The following SCN7A variants were observed in gnomAD, a reference collection of about 807,000 sequenced individuals.
SCN7A encodes sodium channel protein type 7 subunit alpha.
SCN7A carries 138 observed loss-of-function variants against 155.2 expected under a neutral mutation model. The observed-to-expected ratio is 0.89, with a 90% confidence interval of 0.77 to 1.02. The LOEUF is 1.02. Among genes scored for constraint, SCN7A ranks in the 50% least tolerant of loss-of-function variants. The probability of loss-of-function intolerance (pLI) is 0.00; values close to 1 mark genes in which losing one functional copy is unlikely to be tolerated. For synonymous variants in SCN7A, 693 were observed against 649.0 expected, an observed-to-expected ratio of 1.07 and a Z score of -1.03; for missense variants, 2,058 against 1,986.6, an observed-to-expected ratio of 1.04 and a Z score of -0.68.
At position 166,474,711 on chromosome 2, in the gene SCN7A, C is replaced by A. The variant is rs184096807; in HGVS notation, c.235-367G>T. On this transcript the variant is annotated intron_variant, in intron 3 of 25. Coordinates refer to ENST00000643258, the MANE Select transcript of SCN7A (RefSeq NM_002976.4). Reference sequence around the variant, plus strand: ...ATGCCAGAGCTGGTGTATCTGAGAACGTTAATGAATGTTAAAAGTTCGATT... The same window carrying A: ...ATGCCAGAGCTGGTGTATCTGAGAAAGTTAATGAATGTTAAAAGTTCGATT... 4.0e-5 allele frequency among the ~76,000 whole-genome samples: 6 copies of A among 151,540 alleles called. No individual in the cohort carries two copies. In the South Asian group the frequency reaches 8.3e-4, roughly 21 times the overall value.
Position 166,444,785 on chromosome 2 carries a change from T to C in SCN7A, c.1603A>G (p.Thr535Ala). 2.5e-6 allele frequency: 4 copies of C among 1,585,714 alleles called. No individual in the cohort carries two copies. Among genetic ancestry groups the C allele is most frequent in the South Asian group, 1.1e-5 (1 of 88,214 alleles). The change falls in exon 13 of 26, where the codon ACT becomes GCT. Residue 535 changes from threonine to alanine, a missense_variant. By Grantham distance (58) the Thr-to-Ala change is moderately conservative (BLOSUM62 0). Transcript: ENST00000643258. ...EHYPMSKQTNTLLNIGNLVFI... is the reference protein window; with the variant it reads ...EHYPMSKQTNALLNIGNLVFI... Reference sequence around the variant, plus strand: ...ACCAGGTTTCCAATGTTGAGAAGAGTGTTAGTTTGTTTACTCATTGGATAA... The same window carrying C: ...ACCAGGTTTCCAATGTTGAGAAGAGCGTTAGTTTGTTTACTCATTGGATAA...
rs1701074918 is a variant in SCN7A at position 166,406,397 on chromosome 2, A to T, written c.4232T>A (p.Ile1411Asn). ...NFAYVKKEAG[I>N]NDVSNFETFG... is the part of the protein sequence containing the mutation. ...GGTTTCAAAATTAGACACATCATTAATTCCAGCTTCTTTTTTAACATAGGC... is the reference window on the plus strand; with the variant it reads ...GGTTTCAAAATTAGACACATCATTATTTCCAGCTTCTTTTTTAACATAGGC... Residue 1411 changes from isoleucine (I) to asparagine (N), a missense_variant, in exon 26 of 26, where the codon ATT becomes AAT. Transcript: ENST00000643258. 6.2e-7 allele frequency: 1 copy of T among 1,612,944 alleles called. No homozygotes were observed. Among genetic ancestry groups the T allele is most frequent in the African/African-American group, 1.3e-5 (1 of 74,832 alleles).
rs983813564 is a variant in SCN7A, at chr2:166,406,336, T to C, written c.4293A>G (p.Ala1431=). 3 of 1,613,190 alleles carry C rather than the reference T, an allele frequency of 1.9e-6. No individual in the cohort carries two copies. The East Asian group carries it at 6.7e-5, about 36-fold the overall frequency. Residue 1431 remains alanine, a synonymous_variant, in exon 26 of 26, where the codon GCA becomes GCG. Transcript: ENST00000643258. The part of the protein sequence containing the change: ...GNSMLCLFQV[A]IFAGWDGMLD... ...GCATCCCATCCCAACCAGCAAATAT[T>C]GCAACTTGAAAAAGACAGAGCATAC...
chr2:166,477,390 T>G, intron 3 of SCN7A, 73 bp downstream of exon 3: 1 of 954,214 alleles, frequency 1.0e-6, no homozygotes, highest in Non-Finnish European at 1.5e-6. Context: ...GTATCCTATC[T>G]CAATTACATT....
At chr2:166,445,951 C>G (rs950256778) in intron 12 of SCN7A, among the ~76,000 whole-genome samples, 5 of 152,104 alleles carry the variant, frequency 3.3e-5, no homozygotes, top group African/African-American at 1.2e-4. Flanking sequence ...CAATACGATT[C>G]AGAACATAAG....
chr2:166,439,055 G>GTGTGTGTATATATATATATATATATA (rs375208870), intron 15 of SCN7A, among the ~76,000 whole-genome samples: 26 of 113,394 alleles, frequency 2.3e-4, no homozygotes, highest in African/African-American at 9.0e-4. Context: ...GTGTGTGTGT[G>GTGTGTGTATATATATATATATATATA]TATATATATA....
chr2:166,470,175 G>T (rs1006457777), intron 7 of SCN7A, among the ~76,000 whole-genome samples: 2 of 151,640 alleles, frequency 1.3e-5, no homozygotes, highest in Non-Finnish European at 3.0e-5. Context: ...CATGTGAATT[G>T]CACCCTATCC....
intron 2 of SCN7A, among the ~76,000 whole-genome samples, chr2:166,482,819 A>G (rs951862216): frequency 6.6e-6 from 1 of 151,820 alleles, no homozygotes; most frequent in African/African-American, 2.4e-5. Context: ...TCTGACTTCT[A>G]GATGGTTGAG....
In SCN7A at chr2:166,465,467, A is replaced by G. The variant is rs372665249; in HGVS notation, c.936T>C (p.Asp312=). Reference sequence around the variant, plus strand: ...ATAAAACTAATACCACCTACCCAGCATCTGTCCTGTTGCCACAAAGGAGAG... The same window carrying G: ...ATAAAACTAATACCACCTACCCAGCGTCTGTCCTGTTGCCACAAAGGAGAG... ...RYALLCGNRT[D]AGQCPEGYVC... is the part of the protein sequence containing the mutation. Residue 312 remains aspartate, a synonymous_variant, in exon 9 of 26, where the codon GAT becomes GAC. Transcript: ENST00000643258. The G allele has an allele frequency of 6.8e-6, 11 of 1,607,362 alleles. No homozygotes were observed. The highest frequency in any genetic ancestry group is 8.5e-6 in the Non-Finnish European group (10 of 1,175,354).
intron 11 of SCN7A, among the ~76,000 whole-genome samples, chr2:166,449,536 G>A (rs886743407): frequency 2.0e-5 from 3 of 152,060 alleles, no homozygotes; most frequent in Non-Finnish European, 2.9e-5. Context: ...GCTAGAGGAG[G>A]ATAAAGCCAA....
rs1246970035 is a variant in SCN7A at position 166,441,510 on chromosome 2, C to T, written c.2043G>A (p.Val681=). 1 of 1,613,988 alleles carries T rather than the reference C, an allele frequency of 6.2e-7. No homozygotes were observed. Among genetic ancestry groups the T allele is most frequent in the Non-Finnish European group, 8.5e-7 (1 of 1,179,998 alleles). ...CCCACTCTCCACAGAGAATTCGGAA[C>T]ACATTCAGGAAGGAGTGGAAAAAGT... ...MHDFFHSFLN[V]FRILCGEWVE... is the part of the protein sequence containing the mutation. Residue 681 remains valine (V), a synonymous_variant, in exon 15 of 26, where the codon GTG becomes GTA. Transcript: ENST00000643258.
chr2:166,487,353 T>C (rs1157849670), intron 1 of SCN7A, among the ~76,000 whole-genome samples: 1 of 152,156 alleles, frequency 6.6e-6, no homozygotes, highest in African/African-American at 2.4e-5. Flanking sequence ...TTTTCTTAGA[T>C]AATGAAGGAT....
chr2:166,472,218 T>G, intron 6 of SCN7A, 99 bp downstream of exon 6: 2 of 1,194,918 alleles, frequency 1.7e-6, no homozygotes, highest in South Asian at 3.3e-5. Context: ...ACTTGCAGAC[T>G]ATCTGCAGGC....
intron 18 of SCN7A, among the ~76,000 whole-genome samples, chr2:166,426,760 T>A (rs541199368): frequency 1.3e-5 from 2 of 152,174 alleles, no homozygotes; most frequent in East Asian, 3.9e-4. Context: ...TCCTGGTAAA[T>A]GTTCTGTTTC....
rs761954121 is a variant in SCN7A, at chr2:166,432,393, A to G, written c.2517T>C (p.Ala839=). The change falls in exon 16 of 26, where the codon GCT becomes GCC. Residue 839 remains alanine (A), a synonymous_variant. Transcript: ENST00000643258. The part of the protein sequence containing the change: ...SPSVSETVPI[A]SGESDIENLD... ...GATTTTCTATATCAGATTCTCCTGA[A>G]GCAATTGGTACAGTTTCTGAGACAC... 3 of 1,613,504 alleles carry G rather than the reference A, an allele frequency of 1.9e-6. No individual in the cohort carries two copies. In the South Asian group the frequency reaches 3.3e-5, roughly 18 times the overall value.
intron 11 of SCN7A, among the ~76,000 whole-genome samples, chr2:166,454,219 T>C (rs1053676962): frequency 6.6e-6 from 1 of 152,178 alleles, no homozygotes. Flanking sequence ...AACATATCAT[T>C]CAAACCCTAA....
At chr2:166,434,688 C>T (rs1054632395) in intron 15 of SCN7A, among the ~76,000 whole-genome samples, 2 of 152,128 alleles carry the variant, frequency 1.3e-5, no homozygotes, top group Non-Finnish European at 2.9e-5. Flanking sequence ...CAACAGTTTC[C>T]TGATATAAGA....
chr2:166,448,859 A>C (rs1214248894), intron 11 of SCN7A, among the ~76,000 whole-genome samples: 4 of 152,208 alleles, frequency 2.6e-5, no homozygotes, highest in Non-Finnish European at 5.9e-5. Context: ...TTAACTTTAT[A>C]ACTTTGTAAA....
At chr2:166,455,985 T>C (rs1333792454) in intron 11 of SCN7A, among the ~76,000 whole-genome samples, 1 of 152,118 alleles carries the variant, frequency 6.6e-6, no homozygotes, top group Non-Finnish European at 1.5e-5. Flanking sequence ...GTGGCACATA[T>C]ACACCATGAA....
Sources: allele counts gnomAD v4.1 joint callset (sites outside exome capture counted in the v4.1 genomes callset), GRCh38; gene constraint gnomAD v4.1.1; transcripts MANE v1.5; gene names NCBI Gene and HGNC (gene_info 2026-07-23, HGNC 2026-07-21).